The following KCNN3 variants were observed in gnomAD, a reference collection of about 807,000 sequenced individuals.
KCNN3 encodes the protein potassium calcium-activated channel subfamily N member 3, also known as small conductance calcium-activated potassium channel protein 3.
In KCNN3, 16 loss-of-function variants were observed where a neutral mutation model predicts 62.9. The observed-to-expected ratio is 0.25, with a 90% CI of 0.17 to 0.39. The LOEUF is 0.39. Among genes scored for constraint, KCNN3 ranks in the 10% least tolerant of loss-of-function variants. The pLI is 1.00. For missense variants in KCNN3, 599 were observed against 949.4 expected (o/e 0.63, Z 4.85); for synonymous variants, 370 against 389.2 (o/e 0.95, Z 0.58).
chr1:154,865,090 G>C (rs568218154), intron 1 of KCNN3, among the ~76,000 whole-genome samples: 9 of 152,246 alleles, frequency 5.9e-5, no homozygotes, highest in Non-Finnish European at 1.2e-4. Flanking sequence ...TGGGGAAAGG[G>C]GAGGGCAGCC....
intron 1 of KCNN3, among the ~76,000 whole-genome samples, chr1:154,853,990 T>C (rs890556417): frequency 6.0e-5 from 9 of 150,534 alleles, no homozygotes; most frequent in Admixed American, 3.3e-4. Flanking sequence ...AATCCCAGCA[T>C]CTCGGGAGGC....
rs1216360033 is a variant in KCNN3, at chr1:154,706,550, T to C, written c.*1426A>G. On this transcript the variant is annotated 3_prime_UTR_variant, in exon 8 of 8. Transcript: ENST00000271915. ...TAAATCTTGATGTTTCTGAAGTCTC[T>C]TGGAGTTTGAGATGTATTGGAATAG... 2 of 152,230 alleles carry C rather than the reference T, an allele frequency of 1.3e-5. No homozygotes were observed. Among genetic ancestry groups the C allele is most frequent in the South Asian group, 4.1e-4 (2 of 4,832 alleles). The allele number at this position is 152,230 out of a possible 1,614,324, so 9.4% of individuals were successfully genotyped here.
chr1:154,714,188 TGTGTGGTGTGTGTGTCGTATGTGGTGTGC>T (rs1700151825), intron 6 of KCNN3, among the ~76,000 whole-genome samples: 1 of 142,290 alleles, frequency 7.0e-6, no homozygotes, highest in African/African-American at 2.7e-5. Context: ...GTGTGGTGTG[TGTGTGGTGTGTGTGTCGTATGTGGTGTGC>T]ATGGTGTGTG....
At chr1:154,850,075 C>T (rs906596) in intron 1 of KCNN3, among the ~76,000 whole-genome samples, 39,771 of 152,038 alleles carry the variant, frequency 0.26, 5,990 homozygotes, top group African/African-American at 0.4. Flanking sequence ...ACTCATGCCA[C>T]TCGCCAGGCA....
At chr1:154,865,374 C>T (rs971227575) in intron 1 of KCNN3, among the ~76,000 whole-genome samples, 1 of 151,992 alleles carries the variant, frequency 6.6e-6, no homozygotes, top group Non-Finnish European at 1.5e-5. Context: ...AAGGACTCCT[C>T]ATTTGGTTCA....
intron 5 of KCNN3, among the ~76,000 whole-genome samples, chr1:154,725,068 A>G (rs1700432551): frequency 6.6e-6 from 1 of 152,032 alleles, no homozygotes; most frequent in Admixed American, 6.5e-5. Flanking sequence ...GTTGGCCAGG[A>G]TGGTCTCGAT....
At chr1:154,799,416 G>A (rs1184864343) in intron 2 of KCNN3, among the ~76,000 whole-genome samples, 1 of 152,210 alleles carries the variant, frequency 6.6e-6, no homozygotes, top group Admixed American at 6.5e-5. Flanking sequence ...ATGCACAGCA[G>A]TGCCAGGCAT....
At chr1:154,795,259 G>A (rs1270154634) in intron 2 of KCNN3, among the ~76,000 whole-genome samples, 1 of 152,198 alleles carries the variant, frequency 6.6e-6, no homozygotes, top group Non-Finnish European at 1.5e-5. Flanking sequence ...CGTAATCTGG[G>A]AAGCCAAGTC....
At chr1:154,714,473 GGT>G (rs1700178303) in intron 6 of KCNN3, among the ~76,000 whole-genome samples, 1 of 128,056 alleles carries the variant, frequency 7.8e-6, no homozygotes, top group Admixed American at 7.8e-5. Flanking sequence ...TGGTGTGTAT[GGT>G]GTGTGTGTGG....
Position 154,708,281 on chromosome 1 carries a change from AG to A in KCNN3, c.1900-10del. ...TACATGACATTCTGCATCTGTGTGG[AG>A]AGAGAGAGGCGAGAGACAGGGAGAT... On this transcript the variant is annotated splice_polypyrimidine_tract_variant and intron_variant, in intron 7 of 7. Coordinates refer to ENST00000271915, the MANE Select transcript of KCNN3 (RefSeq NM_002249.6). 2 of 1,610,048 alleles carry A rather than the reference AG, an allele frequency of 1.2e-6. No individual in the cohort carries two copies. The highest frequency in any genetic ancestry group is 2.2e-5 in the South Asian group (2 of 90,964).
intron 1 of KCNN3, among the ~76,000 whole-genome samples, chr1:154,848,829 C>T (rs977085692): frequency 2.0e-5 from 3 of 152,198 alleles, no homozygotes; most frequent in African/African-American, 7.2e-5. Context: ...GGATGCAGAG[C>T]CTCTCTACCG....
At chr1:154,728,114 C>T (rs983861431) in intron 4 of KCNN3, among the ~76,000 whole-genome samples, 1 of 152,208 alleles carries the variant, frequency 6.6e-6, no homozygotes, top group Non-Finnish European at 1.5e-5. Flanking sequence ...ATCCACCATT[C>T]CAAATTTCCA....
intron 3 of KCNN3, among the ~76,000 whole-genome samples, chr1:154,759,125 T>A (rs182022299): frequency 5.4e-4 from 82 of 152,342 alleles, no homozygotes; most frequent in Non-Finnish European, 1.0e-3. Context: ...ATCACATTTT[T>A]AAAAACCCTT....
At chr1:154,710,138 T>C (rs537686218) in intron 7 of KCNN3, among the ~76,000 whole-genome samples, 1 of 152,302 alleles carries the variant, frequency 6.6e-6, no homozygotes, top group South Asian at 2.1e-4. Flanking sequence ...TCTGCCAGCC[T>C]ATAGGACAGC....
chr1:154,722,982 G>A (rs1218495275), intron 5 of KCNN3, among the ~76,000 whole-genome samples: 2 of 151,886 alleles, frequency 1.3e-5, no homozygotes, highest in African/African-American at 2.4e-5. Flanking sequence ...CACCCACCTC[G>A]GCCTCCCAAA....
intron 3 of KCNN3, among the ~76,000 whole-genome samples, chr1:154,749,788 GGGGCCTGAGGACA>G (rs1316686523): frequency 6.6e-6 from 1 of 152,178 alleles, no homozygotes; most frequent in African/African-American, 2.4e-5. Context: ...CTGAGCATGA[GGGGCCTGAGGACA>G]GGGATATGCA....
chr1:154,820,349 A>T (rs1010225), intron 2 of KCNN3, among the ~76,000 whole-genome samples: 124,248 of 152,248 alleles, frequency 0.82, 51,167 homozygotes, highest in East Asian at 0.94. Context: ...AGCACCACCA[A>T]AGTGTGGGGT....
chr1:154,743,917 C>T (rs891978499), intron 3 of KCNN3, among the ~76,000 whole-genome samples: 4 of 152,162 alleles, frequency 2.6e-5, no homozygotes, highest in East Asian at 1.9e-4. Flanking sequence ...TCATAAGTCA[C>T]GGGACATCTC....
chr1:154,817,393 G>A (rs542212384), intron 2 of KCNN3, among the ~76,000 whole-genome samples: 1 of 152,364 alleles, frequency 6.6e-6, no homozygotes, highest in African/African-American at 2.4e-5. Context: ...ACAGTAAACA[G>A]TAGATAAAGG....
Sources: gnomAD v4.1 joint callset for allele counts (sites outside exome capture counted in the v4.1 genomes callset) on GRCh38, gnomAD v4.1.1 for gene constraint, MANE v1.5 for transcripts, NCBI Gene and HGNC (gene_info 2026-07-23, HGNC 2026-07-21) for gene names.